MAMSTR: variants seen among roughly 807,000 people sequenced by gnomAD.
MAMSTR encodes MEF2 activating motif and SAP domain containing transcriptional regulator, also known as MEF2-activating motif and SAP domain-containing transcriptional regulator.
In MAMSTR, 41 loss-of-function variants were observed where a neutral mutation model predicts 42.7. The observed-to-expected ratio is 0.96, with a 90% CI of 0.75 to 1.25. The LOEUF (loss-of-function observed/expected upper bound fraction) is 1.25. Among genes scored for constraint, MAMSTR ranks in the 50% most tolerant of loss-of-function variants. The probability of loss-of-function intolerance (pLI) is 0.00; values close to 1 mark genes in which losing one functional copy is unlikely to be tolerated. For synonymous variants in MAMSTR, 265 were observed against 244.1 expected (o/e 1.09, Z -0.80); for missense variants, 567 against 557.6 (o/e 1.02, Z -0.17).
In MAMSTR at chr19:48,715,258, A is replaced by C; in HGVS notation, c.425+4T>G. The stretch of plus-strand genomic sequence containing the variant: ...TCCCGGGAGAACAGAAGTGGGTGTC[A>C]TACCTAGGATGTGGCTGCTGCGAGT... On this transcript the variant is annotated splice_donor_region_variant and intron_variant, in intron 5 of 9. Transcript: ENST00000318083. 1.3e-6 allele frequency: 2 copies of C among 1,581,438 alleles called. No homozygotes were observed. The highest frequency in any genetic ancestry group is 1.7e-6 in the Non-Finnish European group (2 of 1,163,798).
At position 48,714,382 on chromosome 19, in the gene MAMSTR, G is replaced by C; in HGVS notation, c.707C>G (p.Ala236Gly). The C allele has an allele frequency of 7.3e-7, 1 of 1,366,524 alleles. No homozygotes were observed. Among genetic ancestry groups the C allele is most frequent in the African/African-American group, 1.5e-5 (1 of 65,462 alleles). 84.6% of individuals were successfully genotyped at this position (1,366,524 alleles called of 1,614,324 possible). The change falls in exon 7 of 10, where the codon GCC (alanine) becomes GGC (glycine). Residue 236 changes from alanine (A) to glycine (G), a missense_variant. By Grantham distance (60) the Ala-to-Gly change is moderately conservative. Transcript: ENST00000318083. ...CGCCCTCACCGAGCCCTGACGCCGG[G>C]CGGCTGCCAGGGCCTTGGGCTTGAG... ...PRLKPKALAAARRQGSVKPSA... is the reference protein window; with the variant it reads ...PRLKPKALAAGRRQGSVKPSA...
intron 2 of MAMSTR, among the ~76,000 whole-genome samples, chr19:48,718,314 C>A (rs1033036106): frequency 6.6e-6 from 1 of 151,908 alleles, no homozygotes; most frequent in Non-Finnish European, 1.5e-5. Context: ...GGCACGCTCA[C>A]GTGCACACTC....
At position 48,713,567 on chromosome 19, in the gene MAMSTR, G is replaced by A; in HGVS notation, c.965-17C>T. ...GCAGGGGGTCTGCGGGATAAAGAAT[G>A]GTACATGAGCTTGGAAAGTCAGGGG... On this transcript the variant is annotated splice_polypyrimidine_tract_variant and intron_variant, in intron 9 of 9. Coordinates refer to ENST00000318083, the MANE Select transcript of MAMSTR (RefSeq NM_001130915.2). The A allele has an allele frequency of 1.2e-6, 2 of 1,603,784 alleles. No homozygotes were observed. The highest frequency in any genetic ancestry group is 1.1e-5 in the South Asian group (1 of 90,690).
downstream of MAMSTR, among the ~76,000 whole-genome samples, chr19:48,708,231 CAAAAAAAAAA>C (rs66744711): frequency 8.4e-6 from 1 of 118,854 alleles, no homozygotes; most frequent in Non-Finnish European, 1.7e-5. Flanking sequence ...TGAACTCCAT[CAAAAAAAAAA>C]AAAAAAAAAA....
Position 48,714,409 on chromosome 19 carries a change from C to T in MAMSTR, c.680G>A (p.Arg227His). 1.4e-6 allele frequency: 2 copies of T among 1,388,708 alleles called. No individual in the cohort carries two copies. Among genetic ancestry groups the T allele is most frequent in the African/African-American group, 3.0e-5 (2 of 65,656 alleles). 86.0% of individuals were successfully genotyped at this position (1,388,708 alleles called of 1,614,324 possible). ...EDSPAGAPWPRLKPKALAAAR... is the reference protein window; with the variant it reads ...EDSPAGAPWPHLKPKALAAAR... ...GGCTGCCAGGGCCTTGGGCTTGAGG[C>T]GCGGCCAGGGAGCACCCGCGGGACT... The change falls in exon 7 of 10, where the codon CGC becomes CAC. Residue 227 changes from arginine (R) to histidine (H), a missense_variant. Arg to His is a conservative substitution (Grantham distance 29). Coordinates refer to ENST00000318083, the MANE Select transcript of MAMSTR (RefSeq NM_001130915.2).
chr19:48,714,112 A>T, intron 7 of MAMSTR, 67 bp from the exon 8 acceptor site: 1 of 1,454,368 alleles, frequency 6.9e-7, no homozygotes, highest in Non-Finnish European at 9.2e-7. Context: ...CCCACTCGCA[A>T]CGTGTGGCTC....
rs1051613094 is a variant in MAMSTR at position 48,719,167 on chromosome 19, T to C, written c.-21-115A>G. On this transcript the variant is annotated intron_variant, in intron 1 of 9. Coordinates refer to ENST00000318083, the MANE Select transcript of MAMSTR (RefSeq NM_001130915.2). The surrounding 1 kb of genome is among the most constrained non-coding windows in gnomAD (Gnocchi z 4.4). The stretch of plus-strand genomic sequence containing the variant: ...GGAAAGGGCCCGAAGGAGGTGGGAA[T>C]AGGAGCAGCCTTGGGCCATAACTTC... The C allele has an allele frequency of 2.4e-5, 17 of 714,146 alleles. No individual in the cohort carries two copies. Among genetic ancestry groups the C allele is most frequent in the Non-Finnish European group, 4.1e-5 (17 of 411,676 alleles). The allele number at this position is 714,146 out of a possible 1,614,324, so 44.2% of individuals were successfully genotyped here. A position where few individuals can be genotyped will look rare whatever the true frequency, so the allele number is the denominator to read the frequency against.
Position 48,715,759 on chromosome 19 carries a change from G to C in MAMSTR, c.106C>G (p.Pro36Ala), listed in dbSNP as rs1272136619. Residue 36 changes from proline to alanine, a missense_variant, in exon 4 of 10, where the codon CCG becomes GCG. Coordinates refer to ENST00000318083, the MANE Select transcript of MAMSTR (RefSeq NM_001130915.2). ...TCTGAGGCTGAGATCCACGGGTCCG[G>C]ATCCGAGACTGGAGAGACGGTGAAG... is the stretch of plus-strand genomic sequence containing the variant. ...HRRNQEQISD[P>A]DPWISASDPP... The C allele has an allele frequency of 9.1e-6, 14 of 1,541,894 alleles. No individual in the cohort carries two copies. The Admixed American group carries it at 2.9e-4, about 32-fold the overall frequency.
chr19:48,711,689 CG>C (rs2032727884), downstream of MAMSTR, among the ~76,000 whole-genome samples: 1 of 147,566 alleles, frequency 6.8e-6, no homozygotes, highest in Non-Finnish European at 1.5e-5. Context: ...TCTCCTGCCT[CG>C]GTCTCTCACG....
downstream of MAMSTR, among the ~76,000 whole-genome samples, chr19:48,707,807 G>GGAAA (rs1555755147): frequency 7.3e-4 from 85 of 116,652 alleles, no homozygotes; most frequent in Middle Eastern, 3.7e-3. Flanking sequence ...AAGGAAGGAA[G>GGAAA]GAAAGAAAGA....
At chr19:48,707,648 G>A in the MAMSTR span, among the ~76,000 whole-genome samples, 93 of 151,590 alleles carry the variant, frequency 6.1e-4, no homozygotes, top group Admixed American at 4.1e-3. Flanking sequence ...GGCTGAGTCA[G>A]TAGAATCACT....
intron 2 of MAMSTR, among the ~76,000 whole-genome samples, chr19:48,717,864 C>G (rs1406065198): frequency 6.6e-6 from 1 of 152,132 alleles, no homozygotes; most frequent in Non-Finnish European, 1.5e-5. Flanking sequence ...GCCGCCACAC[C>G]CGGCTAATTT....
At chr19:48,716,782 A>T in intron 2 of MAMSTR, 39 bp from the exon 3 acceptor site, 1 of 1,290,316 alleles carries the variant, frequency 7.8e-7, no homozygotes, top group South Asian at 2.7e-5. Flanking sequence ...GGAAGGCGGG[A>T]AGGGAGTGTC....
chr19:48,716,021 G>A, intron 3 of MAMSTR: 14 of 1,208,958 alleles, frequency 1.2e-5, no homozygotes, highest in Non-Finnish European at 1.5e-5. Context: ...AGATGTCTGA[G>A]GTTTTGCTAG....
chr19:48,715,195 G>C, intron 5 of MAMSTR, 67 bp downstream of exon 5: 1 of 1,430,642 alleles, frequency 7.0e-7, no homozygotes, highest in Non-Finnish European at 9.6e-7. Flanking sequence ...TGGACTCGAG[G>C]TTTGAGGGAG....
At chr19:48,709,163 A>G (rs142300571), downstream of MAMSTR, among the ~76,000 whole-genome samples, 3,047 of 152,120 alleles carry the variant, frequency 0.02, 94 homozygotes, top group African/African-American at 0.067. Flanking sequence ...GGTGGTGCAC[A>G]CCTGTAATCC....
rs746752773 is a variant in MAMSTR at position 48,713,291 on chromosome 19, C to T, written c.1224G>A (p.Trp408Ter). The change falls in exon 10 of 10, where the codon TGG (tryptophan) becomes TGA (stop). Residue 408 changes from tryptophan to a stop codon, truncating the protein, a stop_gained. Coordinates refer to ENST00000318083, the MANE Select transcript of MAMSTR (RefSeq NM_001130915.2). LOFTEE classifies it high-confidence loss of function. ...DLSDSSSSRL[W>*]DLLEDPW ...ATCACCATGGATCCTCCAGCAGGTC[C>T]CACAGCCGGCTGCTGCTGGAGTCAG... is the stretch of plus-strand genomic sequence containing the variant. The T allele has an allele frequency of 6.2e-7, 1 of 1,603,150 alleles. No homozygotes were observed. Among genetic ancestry groups the T allele is most frequent in the Admixed American group, 1.8e-5 (1 of 55,498 alleles).
chr19:48,715,302 A>G lies in MAMSTR; in HGVS notation c.385T>C (p.Ser129Pro), dbSNP rs368921888. ...TGCGAGTCTGTCCCTTCCCACAGAG[A>G]TGGCCCAGGAGGACCCAGGGCGGAC... ...EGSALGPPGP[S>P]LWEGTDSQQP... Residue 129 changes from serine (S) to proline (P), a missense_variant, in exon 5 of 10, where the codon TCT becomes CCT. Transcript: ENST00000318083. 6.3e-7 allele frequency: 1 copy of G among 1,596,312 alleles called. No individual in the cohort carries two copies. Among genetic ancestry groups the G allele is most frequent in the African/African-American group, 1.3e-5 (1 of 74,632 alleles).
At chr19:48,712,587 A>G (rs1252029199), downstream of MAMSTR, among the ~76,000 whole-genome samples, 1 of 151,542 alleles carries the variant, frequency 6.6e-6, no homozygotes, top group East Asian at 2.0e-4. Flanking sequence ...ATGCCCAGCT[A>G]ATTTTTTTTT....
Sources: gnomAD v4.1 joint callset for allele counts (sites outside exome capture counted in the v4.1 genomes callset) on GRCh38, gnomAD v4.1.1 for gene constraint, Gnocchi (gnomAD v3.1) non-coding constraint, MANE v1.5 for transcripts, NCBI Gene and HGNC (gene_info 2026-07-23, HGNC 2026-07-21) for gene names.